The following STARD13 variants were observed in gnomAD, a reference collection of about 807,000 sequenced individuals.
The protein encoded by STARD13 is StAR related lipid transfer domain containing 13.
STARD13 carries 62 observed loss-of-function variants against 106.4 expected under a neutral mutation model. The observed-to-expected ratio is 0.58, with a 90% CI of 0.48 to 0.72. The LOEUF is 0.72. Among genes scored for constraint, STARD13 ranks in the 30% least tolerant of loss-of-function variants. The pLI is 0.00. For missense variants in STARD13, 1,387 were observed against 1,424.0 expected (o/e 0.97, Z 0.42); for synonymous variants, 565 against 553.0 (o/e 1.02, Z -0.31).
chr13:33,437,396 A>G, the STARD13 span, among the ~76,000 whole-genome samples: 1 of 152,180 alleles, frequency 6.6e-6, no homozygotes, highest in South Asian at 2.1e-4. Flanking sequence ...AGTCTTGCTG[A>G]TGCCCCTGGC....
At chr13:33,547,949 A>AT in the STARD13 span, among the ~76,000 whole-genome samples, 17 of 152,258 alleles carry the variant, frequency 1.1e-4, no homozygotes, top group African/African-American at 4.1e-4. Flanking sequence ...AACAATGCCA[A>AT]TTTTTTCTAT....
chr13:33,440,867 C>T, the STARD13 span, among the ~76,000 whole-genome samples: 7 of 150,100 alleles, frequency 4.7e-5, no homozygotes, highest in African/African-American at 1.5e-4. Flanking sequence ...CCGCCCACCT[C>T]GGCCTCTCAA....
chr13:33,352,339 G>C (rs555705063), upstream of STARD13, among the ~76,000 whole-genome samples: 1 of 152,192 alleles, frequency 6.6e-6, no homozygotes, highest in East Asian at 1.9e-4. Flanking sequence ...TACATTCCCA[G>C]GAAAGCTGTA....
At chr13:33,355,869 CT>C in the STARD13 span, among the ~76,000 whole-genome samples, 2 of 152,174 alleles carry the variant, frequency 1.3e-5, 1 homozygote, top group South Asian at 4.1e-4. Flanking sequence ...ATTTTGATTG[CT>C]TTTCGGGTTT....
the STARD13 span, among the ~76,000 whole-genome samples, chr13:33,432,889 TG>T: frequency 6.6e-6 from 1 of 152,136 alleles, no homozygotes; most frequent in Non-Finnish European, 1.5e-5. Context: ...TCTAAAAAAA[TG>T]AAATAACGCT....
the STARD13 span, among the ~76,000 whole-genome samples, chr13:33,427,137 C>T: frequency 6.6e-6 from 1 of 152,084 alleles, no homozygotes; most frequent in Non-Finnish European, 1.5e-5. Flanking sequence ...TCGTTTAACA[C>T]TAATAATAAT....
chr13:33,241,588 C>T (rs891529752), intron 1 of STARD13, among the ~76,000 whole-genome samples: 3 of 149,466 alleles, frequency 2.0e-5, no homozygotes, highest in Non-Finnish European at 3.0e-5. Context: ...CCTCTGATGC[C>T]GAGCCGAGGC....
chr13:33,454,724 G>C, the STARD13 span, among the ~76,000 whole-genome samples: 1 of 152,196 alleles, frequency 6.6e-6, no homozygotes, highest in African/African-American at 2.4e-5. Context: ...ATGCAAGAGA[G>C]TGGCATGCTT....
At chr13:33,377,866 C>G in the STARD13 span, among the ~76,000 whole-genome samples, 1 of 152,066 alleles carries the variant, frequency 6.6e-6, no homozygotes, top group African/African-American at 2.4e-5. Context: ...CAGAGGAAAA[C>G]AGGAATTGAT....
chr13:33,582,847 C>T, the STARD13 span, among the ~76,000 whole-genome samples: 1 of 152,160 alleles, frequency 6.6e-6, no homozygotes, highest in Non-Finnish European at 1.5e-5. Flanking sequence ...TGTTAACATG[C>T]ATCTATTTCT....
At chr13:33,125,616 T>A (rs942475646) in intron 7 of STARD13, among the ~76,000 whole-genome samples, 1 of 151,908 alleles carries the variant, frequency 6.6e-6, no homozygotes, top group African/African-American at 2.4e-5. Context: ...TAAATCTGTG[T>A]TTGGTTTAAG....
At chr13:33,268,749 A>G (rs1007452893) in intron 1 of STARD13, among the ~76,000 whole-genome samples, 1 of 152,238 alleles carries the variant, frequency 6.6e-6, no homozygotes. Flanking sequence ...CAAACAAAAG[A>G]AACATCTGAA....
the STARD13 span, among the ~76,000 whole-genome samples, chr13:33,359,875 T>C: frequency 1.3e-5 from 2 of 152,348 alleles, no homozygotes; most frequent in Admixed American, 1.3e-4. Context: ...TATTTCATTC[T>C]TTAAAGTAAT....
the STARD13 span, among the ~76,000 whole-genome samples, chr13:33,621,606 G>T: frequency 6.7e-6 from 1 of 149,558 alleles, no homozygotes; most frequent in African/African-American, 2.5e-5. Flanking sequence ...CGTGAACCCG[G>T]GAGGCAGAGC....
intron 5 of STARD13, among the ~76,000 whole-genome samples, chr13:33,127,829 G>T (rs944867421): frequency 7.8e-5 from 8 of 102,398 alleles, no homozygotes; most frequent in Admixed American, 1.1e-4. Context: ...TTCCCAAAGT[G>T]TTGAGAGCAA....
the STARD13 span, among the ~76,000 whole-genome samples, chr13:33,528,244 A>ATATATATATACATATATATG: frequency 1.6e-5 from 2 of 121,812 alleles, no homozygotes; most frequent in East Asian, 2.1e-4. Flanking sequence ...ATATATATAC[A>ATATATATATACATATATATG]TATATATATA....
the STARD13 span, among the ~76,000 whole-genome samples, chr13:33,473,683 C>A: frequency 6.6e-6 from 1 of 152,276 alleles, no homozygotes; most frequent in African/African-American, 2.4e-5. Context: ...GTCTCAGAAG[C>A]CCTTCTAAGC....
the STARD13 span, among the ~76,000 whole-genome samples, chr13:33,581,654 C>T: frequency 6.6e-6 from 1 of 152,050 alleles, no homozygotes; most frequent in Non-Finnish European, 1.5e-5. Context: ...TCCAGAACAA[C>T]TCGGGAGGAA....
At chr13:33,256,147 T>C (rs1301321015) in intron 1 of STARD13, among the ~76,000 whole-genome samples, 1 of 152,204 alleles carries the variant, frequency 6.6e-6, no homozygotes, top group East Asian at 1.9e-4. Context: ...CTTCGTGGCG[T>C]CCCAAATTCT....
Sources: gnomAD v4.1 joint callset for allele counts (sites outside exome capture counted in the v4.1 genomes callset) on GRCh38, gnomAD v4.1.1 for gene constraint, MANE v1.5 for transcripts, NCBI Gene and HGNC (gene_info 2026-07-23, HGNC 2026-07-21) for gene names.